The following ADARB2 variants were observed in gnomAD, a reference collection of about 807,000 sequenced individuals.
ADARB2 encodes inactive double-stranded RNA-specific editase B2.
Under a neutral mutation model 62.2 loss-of-function variants are expected in ADARB2, and 25 were observed. That is an observed-to-expected ratio of 0.40 (90% CI 0.29 to 0.56). ADARB2 has a LOEUF of 0.56. ADARB2 is among the 20% of genes least tolerant of loss of function. ADARB2 has a pLI of 0.43. For synonymous variants in ADARB2, 572 were observed against 500.8 expected (o/e 1.14, Z -1.90); for missense variants, 1,071 against 1,077.4 (o/e 0.99, Z 0.08).
At chr10:1,231,730 A>C (rs1830805740) in intron 6 of ADARB2, among the ~76,000 whole-genome samples, 1 of 152,216 alleles carries the variant, frequency 6.6e-6, no homozygotes, top group South Asian at 2.1e-4. Flanking sequence ...ATTCACTTAC[A>C]GAGAACCCTA....
intron 1 of ADARB2, among the ~76,000 whole-genome samples, chr10:1,728,618 C>A (rs376009926): frequency 6.6e-6 from 1 of 152,150 alleles, no homozygotes; most frequent in Non-Finnish European, 1.5e-5. Flanking sequence ...GATTTAACTT[C>A]CCTGAAGCAA....
At chr10:1,607,193 T>A (rs779586002) in intron 1 of ADARB2, among the ~76,000 whole-genome samples, 12 of 152,236 alleles carry the variant, frequency 7.9e-5, no homozygotes, top group Admixed American at 1.3e-4. Context: ...GGCTGATCCC[T>A]AACTCTGGTG....
At chr10:1,455,971 G>A (rs1446094624) in intron 1 of ADARB2, among the ~76,000 whole-genome samples, 2 of 152,164 alleles carry the variant, frequency 1.3e-5, no homozygotes, top group African/African-American at 2.4e-5. Flanking sequence ...AGAACTTGGC[G>A]AACTCATGCA....
intron 1 of ADARB2, among the ~76,000 whole-genome samples, chr10:1,473,628 T>C (rs1831356692): frequency 6.6e-6 from 1 of 152,186 alleles, no homozygotes. Context: ...GCTATCCACC[T>C]GCCTTGGCCT....
chr10:1,644,019 C>T (rs909945236), intron 1 of ADARB2, among the ~76,000 whole-genome samples: 1 of 152,226 alleles, frequency 6.6e-6, no homozygotes. Flanking sequence ...CTCCCGGCCC[C>T]ACTCGGCCCA....
chr10:1,187,756 G>A, intron 8 of ADARB2: 1 of 336,802 alleles, frequency 3.0e-6, no homozygotes, highest in Non-Finnish European at 6.4e-6. Context: ...CCACACTCCG[G>A]GGACAGAAGG....
At chr10:1,268,434 C>T (rs551970618) in intron 4 of ADARB2, among the ~76,000 whole-genome samples, 23 of 152,212 alleles carry the variant, frequency 1.5e-4, no homozygotes, top group African/African-American at 5.5e-4. Flanking sequence ...GATTCATAAA[C>T]AGAACTTTCA....
At chr10:1,550,605 T>G (rs1296257964) in intron 1 of ADARB2, among the ~76,000 whole-genome samples, 1 of 152,032 alleles carries the variant, frequency 6.6e-6, no homozygotes, top group East Asian at 1.9e-4. Flanking sequence ...TTCAGGGAGG[T>G]TGCAGCCACA....
intron 1 of ADARB2, among the ~76,000 whole-genome samples, chr10:1,610,146 G>C (rs763600256): frequency 6.6e-6 from 1 of 152,032 alleles, no homozygotes; most frequent in African/African-American, 2.4e-5. Flanking sequence ...AGTGATAAAT[G>C]CTCCTAGGCC....
In ADARB2 at chr10:1,183,016, G is replaced by C. The variant is rs760645596; in HGVS notation, c.*177C>G. ...ACAGGGTTCTGGGGCCAGCGATCTG[G>C]AAAGAGGCACGTTCTGAATTTGTGT... is the stretch of plus-strand genomic sequence containing the variant. On this transcript the variant is annotated 3_prime_UTR_variant, in exon 10 of 10. Coordinates refer to ENST00000381312, the MANE Select transcript of ADARB2 (RefSeq NM_018702.4). 8 of 731,496 alleles carry C rather than the reference G, an allele frequency of 1.1e-5. No homozygotes were observed. The highest frequency in any genetic ancestry group is 1.8e-5 in the Non-Finnish European group (8 of 456,672). 45.3% of individuals were successfully genotyped at this position (731,496 alleles called of 1,614,324 possible).
At chr10:1,531,908 C>T (rs150823995) in intron 1 of ADARB2, among the ~76,000 whole-genome samples, 36 of 152,286 alleles carry the variant, frequency 2.4e-4, no homozygotes, top group South Asian at 4.1e-4. Flanking sequence ...GGTCCACATC[C>T]GGTGTCTGAT....
intron 1 of ADARB2, among the ~76,000 whole-genome samples, chr10:1,456,487 T>C (rs1450943974): frequency 1.3e-5 from 2 of 152,128 alleles, no homozygotes; most frequent in Non-Finnish European, 2.9e-5. Flanking sequence ...GCCCAAAACC[T>C]ATGAACACCC....
At chr10:1,464,923 C>T (rs938075993) in intron 1 of ADARB2, among the ~76,000 whole-genome samples, 10 of 152,218 alleles carry the variant, frequency 6.6e-5, no homozygotes, top group African/African-American at 1.9e-4. Context: ...AGGACGCTCA[C>T]ACCCCCTCCA....
chr10:1,514,388 A>G (rs1831982627), intron 1 of ADARB2, among the ~76,000 whole-genome samples: 1 of 151,604 alleles, frequency 6.6e-6, no homozygotes, highest in African/African-American at 2.4e-5. Context: ...CTGCTTCTCA[A>G]TTATTTGAAC....
rs901949141 is a variant in ADARB2, at chr10:1,725,529, C to A, written c.100+11522G>T. 2.0e-5 allele frequency among the ~76,000 whole-genome samples: 3 copies of A among 151,786 alleles called. No individual in the cohort carries two copies. In the South Asian group the frequency reaches 6.2e-4, roughly 32 times the overall value. On this transcript the variant is annotated intron_variant, in intron 1 of 9. Transcript: ENST00000381312. Reference sequence around the variant, plus strand: ...GTGGGGGAAGACCCCCTCCCCGCGCCGGGAAGAGACGTCCAGGACCCTGAA... The same window carrying A: ...GTGGGGGAAGACCCCCTCCCCGCGCAGGGAAGAGACGTCCAGGACCCTGAA...
intron 1 of ADARB2, among the ~76,000 whole-genome samples, chr10:1,411,026 C>T (rs1832755005): frequency 6.6e-6 from 1 of 152,170 alleles, no homozygotes; most frequent in African/African-American, 2.4e-5. Context: ...CCATGCTGTG[C>T]TGGTGTCTGC....
At chr10:1,558,449 AC>A (rs1564330070) in intron 1 of ADARB2, among the ~76,000 whole-genome samples, 719 of 28,806 alleles carry the variant, frequency 0.025, 5 homozygotes, top group Middle Eastern at 0.045. Context: ...ATCTAAATCC[AC>A]ATCCCACCTC....
chr10:1,448,414 C>G (rs1354521111), intron 1 of ADARB2, among the ~76,000 whole-genome samples: 1 of 152,214 alleles, frequency 6.6e-6, no homozygotes, highest in Non-Finnish European at 1.5e-5. Flanking sequence ...CCTTCTGTCA[C>G]CTGTTGACTA....
chr10:1,257,404 T>C (rs996712500), intron 4 of ADARB2, among the ~76,000 whole-genome samples: 2 of 152,208 alleles, frequency 1.3e-5, no homozygotes, highest in African/African-American at 4.8e-5. Flanking sequence ...CTGAGACTGC[T>C]TTCCTCCATC....
Sources: allele counts gnomAD v4.1 joint callset (sites outside exome capture counted in the v4.1 genomes callset), GRCh38; gene constraint gnomAD v4.1.1; transcripts MANE v1.5; gene names NCBI Gene and HGNC (gene_info 2026-07-23, HGNC 2026-07-21).